Variants in DIMT1 observed in about 807,000 individuals in gnomAD.
The protein encoded by DIMT1 is dimethyladenosine transferase.
DIMT1 carries 36 observed loss-of-function variants against 43.2 expected under a neutral mutation model. The observed-to-expected ratio is 0.83, with a 90% CI of 0.64 to 1.10. The LOEUF (loss-of-function observed/expected upper bound fraction) is 1.10. Among genes scored for constraint, DIMT1 ranks in the 50% least tolerant of loss-of-function variants. DIMT1 has a pLI of 0.00. For synonymous variants in DIMT1, 126 were observed against 130.3 expected (o/e 0.97, Z 0.22); for missense variants, 341 against 385.3 (o/e 0.88, Z 0.96).
intron 6 of DIMT1, among the ~76,000 whole-genome samples, chr5:62,395,840 T>TA (rs915150420): frequency 6.6e-5 from 10 of 151,248 alleles, no homozygotes; most frequent in South Asian, 2.1e-4. Context: ...ACCCCTTCTC[T>TA]AAAAAAAACA....
intron 3 of DIMT1, among the ~76,000 whole-genome samples, chr5:62,401,150 C>T (rs919722581): frequency 6.6e-6 from 1 of 152,124 alleles, no homozygotes; most frequent in African/African-American, 2.4e-5. Context: ...GTGAAAGGCA[C>T]CAGCATTATA....
In DIMT1 at chr5:62,388,398, G is replaced by A. The variant is rs904815900; in HGVS notation, c.*612C>T. On this transcript the variant is annotated 3_prime_UTR_variant, in exon 12 of 12. Coordinates refer to ENST00000199320, the MANE Select transcript of DIMT1 (RefSeq NM_014473.4). ...ATATGCCTGGCACTGCACGGTGGCA[G>A]TAGCAGACTTGGGCTTACCCAGAAC... 1 of 152,310 alleles carries A rather than the reference G, an allele frequency of 6.6e-6. No individual in the cohort carries two copies. Among genetic ancestry groups the A allele is most frequent in the African/African-American group, 2.4e-5 (1 of 41,454 alleles). 9.4% of individuals were successfully genotyped at this position (152,310 alleles called of 1,614,324 possible). A position where few individuals can be genotyped will look rare whatever the true frequency, so the allele number is the denominator to read the frequency against.
chr5:62,400,486 C>T (rs1476385048), intron 3 of DIMT1, among the ~76,000 whole-genome samples: 3 of 151,970 alleles, frequency 2.0e-5, no homozygotes, highest in African/African-American at 4.8e-5. Context: ...CTCCTGGGCT[C>T]AAACAATCCT....
rs1039622469 is a variant in DIMT1 at position 62,403,881 on chromosome 5, C to T, written c.-109G>A. 1.0e-5 allele frequency: 12 copies of T among 1,200,784 alleles called. No homozygotes were observed. Among genetic ancestry groups the T allele is most frequent in the African/African-American group, 1.5e-5 (1 of 65,114 alleles). 74.4% of individuals were successfully genotyped at this position (1,200,784 alleles called of 1,614,324 possible). ...GCCGCCACGCGCCGCCCGCACCACT[C>T]TGGCCCAAGCGCCGGAGGGGCAAGG... On this transcript the variant is annotated 5_prime_UTR_variant, in exon 1 of 12. Transcript: ENST00000199320.
At chr5:62,393,031 C>A in intron 8 of DIMT1, 41 bp from the exon 9 acceptor site, 1 of 1,437,328 alleles carries the variant, frequency 7.0e-7, no homozygotes, top group Non-Finnish European at 9.8e-7. Context: ...TTACAAACTT[C>A]TTGTTCTTGT....
intron 6 of DIMT1, 168 bp downstream of exon 6, chr5:62,398,343 C>A: frequency 3.0e-6 from 2 of 660,268 alleles, no homozygotes; most frequent in East Asian, 2.7e-5. Context: ...CACACTACCC[C>A]CAAATAACCT....
rs1434941051 is a variant in DIMT1, at chr5:62,388,193, C to G, written c.*817G>C. 6.6e-6 allele frequency: 1 copy of G among 152,084 alleles called. No homozygotes were observed. The highest frequency in any genetic ancestry group is 1.5e-5 in the Non-Finnish European group (1 of 68,024). The allele number at this position is 152,084 out of a possible 1,614,324, so 9.4% of individuals were successfully genotyped here. A position where few individuals can be genotyped will look rare whatever the true frequency, so the allele number is the denominator to read the frequency against. On this transcript the variant is annotated 3_prime_UTR_variant, in exon 12 of 12. Transcript: ENST00000199320. ...CCAGAAATCATAGGAATACTGGGAACCTGTAGTTATGGGAAATGGCTGTTT... is the reference window on the plus strand; with the variant it reads ...CCAGAAATCATAGGAATACTGGGAAGCTGTAGTTATGGGAAATGGCTGTTT...
chr5:62,398,938 T>C (rs1742600916), intron 3 of DIMT1, 57 bp from the exon 4 acceptor site: 2 of 1,327,318 alleles, frequency 1.5e-6, no homozygotes, highest in Non-Finnish European at 2.1e-6. Context: ...AATCTTTTAT[T>C]GTTATCCCAA....
At position 62,398,879 on chromosome 5, in the gene DIMT1, A is replaced by T. The variant is rs758184366; in HGVS notation, c.243T>A (p.Val81=). The T allele has an allele frequency of 2.5e-6, 4 of 1,606,396 alleles. No individual in the cohort carries two copies. The highest frequency in any genetic ancestry group is 3.4e-6 in the Non-Finnish European group (4 of 1,176,360). The change falls in exon 4 of 12, where the codon GTT becomes GTA. Residue 81 remains valine, a splice_region_variant and synonymous_variant. Transcript: ENST00000199320. ...TVKLLEKAKK[V]VACELDPRLV... is the part of the protein sequence containing the mutation. ...GCCTTGGGTCAAGTTCACAAGCAAC[A>T]ACCTAATTTAAAAAAAATAAAAATT...
chr5:62,397,608 C>T (rs148499001), intron 6 of DIMT1, among the ~76,000 whole-genome samples: 14 of 152,256 alleles, frequency 9.2e-5, no homozygotes, highest in African/African-American at 3.4e-4. Flanking sequence ...AATGAGTTAT[C>T]CATTAGTAAA....
rs1333867750 is a variant in DIMT1 at position 62,389,533 on chromosome 5, T to C, written c.900-481A>G. On this transcript the variant is annotated intron_variant, in intron 11 of 11. Transcript: ENST00000199320. ...TTATTGTCTGACTAAATTTATAAGA[T>C]ATGTATTGGTTAAAACCATGCCATG... is the stretch of plus-strand genomic sequence containing the variant. Among the ~76,000 whole-genome samples, 11 of 147,468 alleles carry C rather than the reference T, an allele frequency of 7.5e-5. No individual in the cohort carries two copies. The South Asian group carries it at 1.7e-3, about 23-fold the overall frequency.
chr5:62,392,374 A>C (rs1742340322), intron 9 of DIMT1, 140 bp from the exon 10 acceptor site: 1 of 671,190 alleles, frequency 1.5e-6, no homozygotes. Flanking sequence ...TATATTCTGT[A>C]TGGTGAAATT....
At chr5:62,401,214 G>A (rs1246611910) in intron 3 of DIMT1, among the ~76,000 whole-genome samples, 1 of 152,064 alleles carries the variant, frequency 6.6e-6, no homozygotes, top group Non-Finnish European at 1.5e-5. Flanking sequence ...TCCCTGTTGA[G>A]GCTGGGCATG....
In DIMT1 at chr5:62,391,687, AATG is replaced by A. The variant is rs1236601692; in HGVS notation, c.792+481_792+483del. On this transcript the variant is annotated intron_variant, in intron 10 of 11. Transcript: ENST00000199320. ...ATCACATCGCACACACTGTTACACA[AATG>A]ATACGCATGAGGCTCACAACCAGAA... The A allele has an allele frequency of 2.4e-6, 3 of 1,257,464 alleles. No individual in the cohort carries two copies. The African/African-American group carries it at 4.6e-5, about 19-fold the overall frequency. The allele number at this position is 1,257,464 out of a possible 1,614,324, so 77.9% of individuals were successfully genotyped here.
chr5:62,403,547 C>G (rs535687061), intron 1 of DIMT1, 147 bp downstream of exon 1: 9 of 1,020,510 alleles, frequency 8.8e-6, no homozygotes, highest in African/African-American at 1.6e-5. Context: ...GGCCTGCGGC[C>G]GAGTCGGGGA....
At chr5:62,403,556 G>C in intron 1 of DIMT1, 138 bp downstream of exon 1, 2 of 1,082,932 alleles carry the variant, frequency 1.8e-6, no homozygotes, top group Non-Finnish European at 2.7e-6. Context: ...CCGAGTCGGG[G>C]ACCCACCCCT....
chr5:62,400,509 T>A (rs898436556), intron 3 of DIMT1, among the ~76,000 whole-genome samples: 7 of 152,012 alleles, frequency 4.6e-5, no homozygotes, highest in African/African-American at 1.7e-4. Context: ...CACCTTGGCC[T>A]CCCAAAGTGC....
chr5:62,395,956 G>C (rs560507850), intron 6 of DIMT1, among the ~76,000 whole-genome samples: 1 of 151,914 alleles, frequency 6.6e-6, no homozygotes, highest in South Asian at 2.1e-4. Context: ...AGGTTGCAGT[G>C]ACCTGAGATG....
chr5:62,397,251 A>G (rs1029448250), intron 6 of DIMT1, among the ~76,000 whole-genome samples: 1 of 152,130 alleles, frequency 6.6e-6, no homozygotes, highest in Non-Finnish European at 1.5e-5. Flanking sequence ...GCCATGTTTC[A>G]GGATCTTGAT....
Sources: gnomAD v4.1 joint callset for allele counts (sites outside exome capture counted in the v4.1 genomes callset) on GRCh38, gnomAD v4.1.1 for gene constraint, MANE v1.5 for transcripts, NCBI Gene and HGNC (gene_info 2026-07-23, HGNC 2026-07-21) for gene names.